GRIK2: variants seen among roughly 807,000 people sequenced by gnomAD.
GRIK2 encodes glutamate receptor ionotropic, kainate 2.
GRIK2 carries 32 observed loss-of-function variants against 100.3 expected under a neutral mutation model. That is an observed-to-expected ratio of 0.32 (90% CI 0.24 to 0.43). The LOEUF (loss-of-function observed/expected upper bound fraction) is 0.43, where lower values mean the gene tolerates loss of function less well. GRIK2 is among the 20% of genes least tolerant of loss of function. The pLI, the probability that GRIK2 is intolerant of heterozygous loss-of-function variation, is 1.00. For synonymous variants in GRIK2, 417 were observed against 389.4 expected (o/e 1.07, Z -0.83); for missense variants, 843 against 1,114.9 (o/e 0.76, Z 3.47).
chr6:101,939,525 T>G (rs1316223926), intron 14 of GRIK2, among the ~76,000 whole-genome samples: 4 of 152,128 alleles, frequency 2.6e-5, no homozygotes, highest in Non-Finnish European at 5.9e-5. Context: ...CTCATTTCAT[T>G]AATAATTTGG....
chr6:101,842,993 T>C (rs1391979633), intron 10 of GRIK2, among the ~76,000 whole-genome samples: 1 of 152,150 alleles, frequency 6.6e-6, no homozygotes, highest in Non-Finnish European at 1.5e-5. Context: ...TTAAAAGAAA[T>C]AGAATTCTAG....
chr6:101,934,325 T>C (rs1434806583), intron 14 of GRIK2, among the ~76,000 whole-genome samples: 1 of 151,896 alleles, frequency 6.6e-6, no homozygotes, highest in Non-Finnish European at 1.5e-5. Flanking sequence ...ATTAAGTTTC[T>C]AAAACATTTG....
At chr6:101,449,375 G>A (rs1175603707) in intron 2 of GRIK2, among the ~76,000 whole-genome samples, 1 of 151,500 alleles carries the variant, frequency 6.6e-6, no homozygotes, top group Non-Finnish European at 1.5e-5. Context: ...TTAGCTCCAG[G>A]CTTCCTGAAA....
rs114593598 is a variant in GRIK2, at chr6:101,442,020, A to G, written c.115+42628A>G. Among the ~76,000 whole-genome samples, 862 of 152,144 alleles carry G rather than the reference A, an allele frequency of 5.7e-3. 6 individuals carry two copies. Among genetic ancestry groups the G allele is most frequent in the African/African-American group, 0.02 (835 of 41,538 alleles). On this transcript the variant is annotated intron_variant, in intron 2 of 16. Transcript: ENST00000369134. Reference sequence around the variant, plus strand: ...TTTTTCCAATTCTTGGGAGAGGGAAAACTCCAAGAGATAAGAGTGGGTGGA... The same window carrying G: ...TTTTTCCAATTCTTGGGAGAGGGAAGACTCCAAGAGATAAGAGTGGGTGGA...
chr6:101,536,722 T>A (rs1775709302), intron 2 of GRIK2, among the ~76,000 whole-genome samples: 1 of 151,412 alleles, frequency 6.6e-6, no homozygotes, highest in African/African-American at 2.4e-5. Context: ...ATTTACCAAC[T>A]TATTTTGGAT....
At chr6:101,470,460 T>C (rs1039887960) in intron 2 of GRIK2, among the ~76,000 whole-genome samples, 36 of 152,308 alleles carry the variant, frequency 2.4e-4, no homozygotes, top group Admixed American at 1.8e-3. Flanking sequence ...GTAAGTTTGT[T>C]GCCAAAGCAG....
chr6:101,704,591 T>C (rs1773125134), intron 7 of GRIK2, among the ~76,000 whole-genome samples: 1 of 151,790 alleles, frequency 6.6e-6, no homozygotes, highest in Admixed American at 6.6e-5. Flanking sequence ...GACTTATTTG[T>C]TTAACAATTT....
In GRIK2 at chr6:101,400,262, G is replaced by T. The variant is rs117206308; in HGVS notation, c.115+870G>T. ...AATGTATTGCTTTTCTAAGAATCAG[G>T]GTTTCTTTGGAGCTTGAAGGAAAAT... is the stretch of plus-strand genomic sequence containing the variant. On this transcript the variant is annotated intron_variant, in intron 2 of 16. Coordinates refer to ENST00000369134, the MANE Select transcript of GRIK2 (RefSeq NM_021956.5). Among the ~76,000 whole-genome samples the T allele has an allele frequency of 1.1e-4, 16 of 152,204 alleles. No homozygotes were observed. The East Asian group carries it at 2.9e-3, about 28-fold the overall frequency.
chr6:102,065,833 C>G, intron 16 of GRIK2: 1 of 1,504,570 alleles, frequency 6.6e-7, no homozygotes, highest in Non-Finnish European at 8.9e-7. Context: ...CTATGTATTC[C>G]TCCCTATTTT....
chr6:101,968,838 T>G (rs867589170), intron 14 of GRIK2, among the ~76,000 whole-genome samples: 1 of 152,020 alleles, frequency 6.6e-6, no homozygotes, highest in Admixed American at 6.6e-5. Context: ...ATGAGGATAC[T>G]GTAAACCTAC....
chr6:101,664,420 A>G (rs182053066), intron 4 of GRIK2, among the ~76,000 whole-genome samples: 18 of 152,326 alleles, frequency 1.2e-4, no homozygotes, highest in Admixed American at 2.6e-4. Context: ...GATGCAAGCA[A>G]ATTTTAATAG....
intron 4 of GRIK2, among the ~76,000 whole-genome samples, chr6:101,639,821 A>G (rs957340150): frequency 6.6e-6 from 1 of 152,166 alleles, no homozygotes; most frequent in African/African-American, 2.4e-5. Context: ...AGTTCTTCCA[A>G]GTTAGAAGTG....
At chr6:101,823,333 G>A (rs1176331613) in intron 10 of GRIK2, among the ~76,000 whole-genome samples, 1 of 150,920 alleles carries the variant, frequency 6.6e-6, no homozygotes, top group Non-Finnish European at 1.5e-5. Flanking sequence ...TTTACATAGA[G>A]AGCATTAAAC....
intron 15 of GRIK2, among the ~76,000 whole-genome samples, chr6:102,044,889 T>C (rs1297753724): frequency 6.6e-6 from 1 of 152,040 alleles, no homozygotes; most frequent in Non-Finnish European, 1.5e-5. Flanking sequence ...TTTACACACT[T>C]TTCCTAGGCT....
rs558290045 is a variant in GRIK2, at chr6:101,625,813, G to T, written c.284-567G>T. On this transcript the variant is annotated intron_variant, in intron 3 of 16. Transcript: ENST00000369134. Reference sequence around the variant, plus strand: ...TGAGTACTTGTCTAATGACTTTTCTGTTTTTCTACTCAGTGTGACTGATCC... The same window carrying T: ...TGAGTACTTGTCTAATGACTTTTCTTTTTTTCTACTCAGTGTGACTGATCC... Among the ~76,000 whole-genome samples the T allele has an allele frequency of 4.0e-3, 605 of 152,254 alleles. 8 individuals are homozygous for T. The highest frequency in any genetic ancestry group is 0.014 in the African/African-American group (580 of 41,552).
At chr6:101,738,944 G>A (rs1168533183) in intron 7 of GRIK2, among the ~76,000 whole-genome samples, 1 of 152,190 alleles carries the variant, frequency 6.6e-6, no homozygotes, top group African/African-American at 2.4e-5. Flanking sequence ...GGCAGCAGGA[G>A]CAAGGGTTCT....
At chr6:101,745,821 A>G (rs1351074673) in intron 7 of GRIK2, among the ~76,000 whole-genome samples, 2 of 152,152 alleles carry the variant, frequency 1.3e-5, no homozygotes, top group African/African-American at 2.4e-5. Flanking sequence ...CTCCATTTTA[A>G]TATTTTGTGA....
intron 14 of GRIK2, among the ~76,000 whole-genome samples, chr6:101,991,867 T>C (rs1794394838): frequency 6.6e-6 from 1 of 151,448 alleles, no homozygotes; most frequent in Non-Finnish European, 1.5e-5. Context: ...TTTTGGGGAA[T>C]AAGAAATGCC....
intron 2 of GRIK2, among the ~76,000 whole-genome samples, chr6:101,529,760 G>A (rs1775334540): frequency 1.3e-5 from 2 of 152,052 alleles, no homozygotes; most frequent in Non-Finnish European, 2.9e-5. Context: ...GCAGAGGCCT[G>A]GACAAAGTCC....
Sources: gnomAD v4.1 joint callset for allele counts (sites outside exome capture counted in the v4.1 genomes callset) on GRCh38, gnomAD v4.1.1 for gene constraint, MANE v1.5 for transcripts, NCBI Gene and HGNC (gene_info 2026-07-23, HGNC 2026-07-21) for gene names.